PPEF1: variants seen among roughly 807,000 people sequenced by gnomAD.
The protein encoded by PPEF1 is serine/threonine-protein phosphatase with EF-hands 1.
A neutral mutation model predicts 53.3 loss-of-function variants in PPEF1; 12 were observed. The observed-to-expected ratio is 0.23, with a 90% confidence interval of 0.14 to 0.36. The LOEUF (loss-of-function observed/expected upper bound fraction) is 0.36. PPEF1 is among the 10% of genes least tolerant of loss of function. The pLI, the probability that PPEF1 is intolerant of heterozygous loss-of-function variation, is 1.00. For synonymous variants in PPEF1, 165 were observed against 176.7 expected (o/e 0.93, Z 0.52); for missense variants, 334 against 490.4 (o/e 0.68, Z 3.01).
chrX:18,771,808 A>G (rs1237276008), intron 6 of PPEF1, among the ~76,000 whole-genome samples: 1 of 111,877 alleles, frequency 8.9e-6, no homozygotes, highest in African/African-American at 3.2e-5. Context: ...GCTAGAGAAA[A>G]AAATATATTA....
At chrX:18,719,914 G>T (rs1033749165) in intron 1 of PPEF1, among the ~76,000 whole-genome samples, 8 of 111,893 alleles carry the variant, frequency 7.1e-5, no homozygotes, top group Non-Finnish European at 1.5e-4. Flanking sequence ...TTTATTAATT[G>T]TAAAGAGGCA....
Position 18,716,993 on chromosome X carries a change from C to T in PPEF1, c.46+9167C>T, listed in dbSNP as rs761684785. Reference sequence around the variant, plus strand: ...GGGCATTGATTTTCCTTCTGCCTCTCCTGCTCATTCCGCTAGCTATTGCTC... The same window carrying T: ...GGGCATTGATTTTCCTTCTGCCTCTTCTGCTCATTCCGCTAGCTATTGCTC... On this transcript the variant is annotated intron_variant, in intron 1 of 15. Transcript: ENST00000470157. 7.3e-5 allele frequency among the ~76,000 whole-genome samples: 8 copies of T among 109,491 alleles called. No individual in the cohort carries two copies. The South Asian group carries it at 3.2e-3, about 44-fold the overall frequency.
chrX:18,760,228 C>T (rs2045631540), intron 5 of PPEF1, among the ~76,000 whole-genome samples: 1 of 111,239 alleles, frequency 9.0e-6, no homozygotes, highest in South Asian at 3.8e-4. Flanking sequence ...CTCAAGTGAT[C>T]CACCTGCCTC....
At chrX:18,777,953 C>T (rs2046003532) in intron 6 of PPEF1, among the ~76,000 whole-genome samples, 1 of 110,225 alleles carries the variant, frequency 9.1e-6, no homozygotes, top group Non-Finnish European at 1.9e-5. Flanking sequence ...TCACGTTGGC[C>T]AGGCTAGTCT....
upstream of PPEF1, among the ~76,000 whole-genome samples, chrX:18,679,633 C>T (rs1286676717): frequency 9.0e-6 from 1 of 111,544 alleles, no homozygotes; most frequent in African/African-American, 3.3e-5. Flanking sequence ...AGCTTCTGCC[C>T]TTTCCCCCCT....
chrX:18,730,127 A>G, intron 1 of PPEF1, 54 bp from the exon 2 acceptor site: 1 of 1,149,040 alleles, frequency 8.7e-7, no homozygotes, highest in Non-Finnish European at 1.2e-6. Context: ...TACTTCTCCT[A>G]ACAGGTGCAT....
In PPEF1 at chrX:18,770,715, A is replaced by G. The variant is rs958244552; in HGVS notation, c.559-8295A>G. On this transcript the variant is annotated intron_variant, in intron 6 of 15. Coordinates refer to ENST00000470157, the MANE Select transcript of PPEF1 (RefSeq NM_001377996.1). ...AAATAAGACATCACAGAGGTAGCAA[A>G]GAATTTACCCACAACAAATTCTGGT... 2.7e-5 allele frequency among the ~76,000 whole-genome samples: 3 copies of G among 112,191 alleles called. No individual in the cohort carries two copies. The Admixed American group carries it at 2.8e-4, about 11-fold the overall frequency.
chrX:18,700,033 C>G (rs138727411), intron 5 of PPEF1: 13 of 111,774 alleles, frequency 1.2e-4, no homozygotes, highest in African/African-American at 4.2e-4. Context: ...ACTTTGCAGC[C>G]CATTACTTGA....
At chrX:18,782,030 C>G (rs1457140392) in intron 7 of PPEF1, among the ~76,000 whole-genome samples, 1 of 112,068 alleles carries the variant, frequency 8.9e-6, no homozygotes, top group Non-Finnish European at 1.9e-5. Flanking sequence ...CAGCTTCCCC[C>G]AGCTACCACA....
At chrX:18,822,353 CA>C (rs397895822) in intron 13 of PPEF1, among the ~76,000 whole-genome samples, 4,446 of 59,508 alleles carry the variant, frequency 0.075, 105 homozygotes, top group Non-Finnish European at 0.12. Flanking sequence ...ACAAAATGTG[CA>C]AAAAAAAAAA....
chrX:18,818,909 A>G (rs2046974654), intron 13 of PPEF1, among the ~76,000 whole-genome samples: 1 of 111,958 alleles, frequency 8.9e-6, no homozygotes, highest in South Asian at 3.7e-4. Flanking sequence ...TGGTATAGCA[A>G]TCAATTCTGA....
At chrX:18,826,766 T>C (rs867987345) in intron 15 of PPEF1, among the ~76,000 whole-genome samples, 1 of 109,995 alleles carries the variant, frequency 9.1e-6, no homozygotes, top group South Asian at 3.9e-4. Context: ...TATTTTCAAA[T>C]TTTTAAAAAC....
intron 6 of PPEF1, among the ~76,000 whole-genome samples, chrX:18,770,381 C>G (rs748928422): frequency 9.0e-5 from 10 of 111,605 alleles, no homozygotes; most frequent in Middle Eastern, 4.6e-3. Flanking sequence ...GAGTCTTGCC[C>G]TCTTTGATGC....
At chrX:18,706,456 C>T (rs1256507266), upstream of PPEF1, among the ~76,000 whole-genome samples, 1 of 110,221 alleles carries the variant, frequency 9.1e-6, no homozygotes, top group Non-Finnish European at 1.9e-5. Flanking sequence ...TTTAAAAGGG[C>T]ACTCTTGGCC....
chrX:18,808,537 C>T (rs1480881259), intron 12 of PPEF1, among the ~76,000 whole-genome samples: 1 of 77,600 alleles, frequency 1.3e-5, no homozygotes, highest in African/African-American at 4.5e-5. Context: ...ATAAGGAACT[C>T]ATACGACTCA....
chrX:18,759,088 A>G (rs2045607182), intron 5 of PPEF1, among the ~76,000 whole-genome samples: 1 of 111,224 alleles, frequency 9.0e-6, no homozygotes, highest in Non-Finnish European at 1.9e-5. Flanking sequence ...CTGGTGGTTC[A>G]TTGTCCATCG....
chrX:18,799,298 C>T (rs990898825), intron 10 of PPEF1, among the ~76,000 whole-genome samples: 6 of 106,109 alleles, frequency 5.7e-5, no homozygotes, highest in Admixed American at 4.1e-4. Flanking sequence ...CTCAGCTAGT[C>T]GGGAGACTGA....
intron 14 of PPEF1, among the ~76,000 whole-genome samples, chrX:18,824,489 C>T (rs977894234): frequency 9.0e-6 from 1 of 111,016 alleles, no homozygotes; most frequent in Non-Finnish European, 1.9e-5. Flanking sequence ...GAGTGGCAGT[C>T]TTAGGAAAAG....
chrX:18,689,761 G>A (rs1253590178), intron 3 of PPEF1, among the ~76,000 whole-genome samples: 2 of 110,925 alleles, frequency 1.8e-5, no homozygotes, highest in Non-Finnish European at 3.8e-5. Context: ...AAGACTGACA[G>A]ATTGTGCACC....
Sources: allele counts gnomAD v4.1 joint callset (sites outside exome capture counted in the v4.1 genomes callset), GRCh38; gene constraint gnomAD v4.1.1; transcripts MANE v1.5; gene names NCBI Gene and HGNC (gene_info 2026-07-23, HGNC 2026-07-21).